The following AGMO variants were observed in gnomAD, a reference collection of about 807,000 sequenced individuals.
AGMO encodes the protein glyceryl-ether monooxygenase.
Under a neutral mutation model 60.2 loss-of-function variants are expected in AGMO, and 75 were observed. The ratio of observed to expected loss-of-function variants is 1.25; its 90% CI spans 1.03 to 1.51. The LOEUF (loss-of-function observed/expected upper bound fraction) is 1.51, where lower values mean the gene tolerates loss of function less well. AGMO is among the 40% of genes most tolerant of loss of function. The probability of loss-of-function intolerance (pLI) is 0.00; values close to 1 mark genes in which losing one functional copy is unlikely to be tolerated. For missense variants in AGMO, 763 were observed against 525.5 expected, an observed-to-expected ratio of 1.45 and a Z score of -4.42; for synonymous variants, 261 against 177.1, an observed-to-expected ratio of 1.47 and a Z score of -3.76.
intron 5 of AGMO, among the ~76,000 whole-genome samples, chr7:15,414,318 G>A (rs1780695496): frequency 1.3e-5 from 2 of 152,138 alleles, no homozygotes. Context: ...GATTTATAAT[G>A]TGAAAGATTA....
intron 5 of AGMO, among the ~76,000 whole-genome samples, chr7:15,411,617 G>A (rs925170336): frequency 4.0e-5 from 6 of 151,216 alleles, no homozygotes; most frequent in East Asian, 1.9e-4. Flanking sequence ...AATCTCCCAG[G>A]CAACATATTC....
intron 3 of AGMO, among the ~76,000 whole-genome samples, chr7:15,443,723 C>T (rs1326259421): frequency 6.6e-6 from 1 of 152,076 alleles, no homozygotes; most frequent in African/African-American, 2.4e-5. Flanking sequence ...ATCCAGAGAG[C>T]TAAGAATGAT....
At chr7:15,451,067 A>AT (rs1019479760) in intron 3 of AGMO, among the ~76,000 whole-genome samples, 7 of 89,426 alleles carry the variant, frequency 7.8e-5, no homozygotes, top group South Asian at 3.6e-4. Context: ...TTATATGAAA[A>AT]TTAAAAAAAA....
intron 3 of AGMO, among the ~76,000 whole-genome samples, chr7:15,460,758 G>C (rs1009143272): frequency 7.2e-5 from 11 of 152,114 alleles, no homozygotes; most frequent in African/African-American, 2.7e-4. Context: ...AAACTGATCA[G>C]AGAAGGTTGG....
intron 9 of AGMO, among the ~76,000 whole-genome samples, chr7:15,386,650 T>G (rs537768834): frequency 1.3e-5 from 2 of 152,298 alleles, no homozygotes; most frequent in Non-Finnish European, 2.9e-5. Flanking sequence ...TAAAACATCT[T>G]ATTTCCTTGA....
At chr7:15,495,025 C>G (rs1783185569) in intron 3 of AGMO, among the ~76,000 whole-genome samples, 1 of 152,164 alleles carries the variant, frequency 6.6e-6, no homozygotes, top group African/African-American at 2.4e-5. Flanking sequence ...TTTGCTAAGC[C>G]TAAGACCTAA....
intron 5 of AGMO, among the ~76,000 whole-genome samples, chr7:15,397,308 C>T (rs996046624): frequency 6.6e-6 from 1 of 151,812 alleles, no homozygotes; most frequent in Non-Finnish European, 1.5e-5. Flanking sequence ...GTGCGCGGTC[C>T]ACCGAACCCG....
chr7:15,328,978 T>C (rs903732492), intron 12 of AGMO, among the ~76,000 whole-genome samples: 42 of 152,278 alleles, frequency 2.8e-4, no homozygotes, highest in African/African-American at 9.9e-4. Context: ...AATAGCAGTA[T>C]GGTTTGCTCC....
At chr7:15,396,725 A>G (rs978937401) in intron 5 of AGMO, 2 of 150,918 alleles carry the variant, frequency 1.3e-5, no homozygotes, top group Admixed American at 6.6e-5. Context: ...TGATTGGTCC[A>G]CTTTACAGAG....
At chr7:15,443,769 G>T (rs758799548) in intron 3 of AGMO, among the ~76,000 whole-genome samples, 1 of 152,076 alleles carries the variant, frequency 6.6e-6, no homozygotes, top group Non-Finnish European at 1.5e-5. Context: ...AAAATCAGAA[G>T]AGTAATAGTT....
chr7:15,468,434 A>G (rs1427086611), intron 3 of AGMO, among the ~76,000 whole-genome samples: 1 of 152,166 alleles, frequency 6.6e-6, no homozygotes, highest in African/African-American at 2.4e-5. Flanking sequence ...AAGAAAATGC[A>G]TAGTCATATC....
rs1780839779 is a variant in AGMO at position 15,418,542 on chromosome 7, T to C, written c.609+16A>G. 2.0e-6 allele frequency: 3 copies of C among 1,503,430 alleles called. No homozygotes were observed. The highest frequency in any genetic ancestry group is 2.7e-6 in the Non-Finnish European group (3 of 1,093,522). The allele number at this position is 1,503,430 out of a possible 1,614,324, so 93.1% of individuals were successfully genotyped here. ...TGTTTAGGTATAAAACTTACAAAGA[T>C]AAAAAAAAGTTTTACCTCTGTATGG... On this transcript the variant is annotated intron_variant, in intron 5 of 12. Transcript: ENST00000342526.
At chr7:15,472,656 ACTT>A (rs1447948571) in intron 3 of AGMO, among the ~76,000 whole-genome samples, 1 of 151,968 alleles carries the variant, frequency 6.6e-6, no homozygotes, top group Non-Finnish European at 1.5e-5. Context: ...AGAAAAACAT[ACTT>A]GTTTGATGTT....
intron 12 of AGMO, among the ~76,000 whole-genome samples, chr7:15,354,403 T>G (rs1190251125): frequency 2.8e-5 from 1 of 36,256 alleles, no homozygotes; most frequent in Non-Finnish European, 4.3e-5. Context: ...TACACGTGTG[T>G]GTACACACGT....
chr7:15,542,353 C>T lies in AGMO; in HGVS notation c.409+2419G>A, dbSNP rs143812751. Among the ~76,000 whole-genome samples the T allele has an allele frequency of 2.9e-3, 448 of 152,148 alleles. 3 individuals carry two copies. Among genetic ancestry groups the T allele is most frequent in the African/African-American group, 0.01 (428 of 41,520 alleles). On this transcript the variant is annotated intron_variant, in intron 3 of 12. Coordinates refer to ENST00000342526, the MANE Select transcript of AGMO (RefSeq NM_001004320.2). ...TTTTACTGGATTCAGTTCAAAATTT[C>T]TAATGAGAAGCATACTTTAAATAGC...
intron 12 of AGMO, among the ~76,000 whole-genome samples, chr7:15,285,951 G>T (rs1327670687): frequency 6.6e-6 from 1 of 151,894 alleles, no homozygotes; most frequent in Non-Finnish European, 1.5e-5. Flanking sequence ...GCTTGAGAAA[G>T]CATTCAAAAA....
At chr7:15,503,094 T>C (rs1783428966) in intron 3 of AGMO, among the ~76,000 whole-genome samples, 1 of 152,062 alleles carries the variant, frequency 6.6e-6, no homozygotes, top group African/African-American at 2.4e-5. Flanking sequence ...CCACTTTAAG[T>C]CATTCATTCA....
In AGMO at chr7:15,385,471, T is replaced by C. The variant is rs144084616; in HGVS notation, c.1049A>G (p.Tyr350Cys). The change falls in exon 10 of 13, where the codon TAT becomes TGT. Residue 350 changes from tyrosine (Y) to cysteine (C), a missense_variant. Physicochemically the swap from Tyr to Cys is radical, Grantham distance 194 (BLOSUM62 -2). Coordinates refer to ENST00000342526, the MANE Select transcript of AGMO (RefSeq NM_001004320.2). ...VVQFALMLAF[Y>C]EETFADTAAL... is the part of the protein sequence containing the mutation. ...AGCTGTATCTGCAAAGGTCTCTTCA[T>C]AAAATGCCAACATCAGAGCAAACTG... 5.9e-5 allele frequency: 95 copies of C among 1,604,920 alleles called. No individual in the cohort carries two copies. In the African/African-American group the frequency reaches 1.1e-3, roughly 18 times the overall value.
chr7:15,384,123 G>A (rs568434422), intron 10 of AGMO, among the ~76,000 whole-genome samples: 1 of 152,122 alleles, frequency 6.6e-6, no homozygotes, highest in African/African-American at 2.4e-5. Context: ...TTTTTCAGTA[G>A]AGACGTGGTT....
Sources: allele counts gnomAD v4.1 joint callset (sites outside exome capture counted in the v4.1 genomes callset), GRCh38; gene constraint gnomAD v4.1.1; transcripts MANE v1.5; gene names NCBI Gene and HGNC (gene_info 2026-07-23, HGNC 2026-07-21).